CLDND1: variants seen among roughly 807,000 people sequenced by gnomAD.
The protein encoded by CLDND1 is claudin domain containing 1, also known as claudin domain-containing protein 1.
A neutral mutation model predicts 26.3 loss-of-function variants in CLDND1; 13 were observed. That is an observed-to-expected ratio of 0.49 (90% CI 0.32 to 0.78). CLDND1 has a LOEUF of 0.78. Ranked by LOEUF, CLDND1 falls within the 30% of genes least tolerant of loss-of-function variation. The pLI is 0.03. For missense variants in CLDND1, 289 were observed against 312.8 expected, an observed-to-expected ratio of 0.92 and a Z score of 0.57; for synonymous variants, 107 against 107.0, an observed-to-expected ratio of 1.00 and a Z score of 0.00.
chr3:98,518,798 C>A, intron 3 of CLDND1, 87 bp downstream of exon 3: 3 of 778,236 alleles, frequency 3.9e-6, no homozygotes, highest in South Asian at 3.0e-5. Flanking sequence ...TCTACTAACT[C>A]ATCTTATTCC....
At chr3:98,520,028 A>T (rs983242314) in intron 2 of CLDND1, among the ~76,000 whole-genome samples, 3 of 152,222 alleles carry the variant, frequency 2.0e-5, no homozygotes, top group African/African-American at 7.2e-5. Flanking sequence ...GTCATCTTTT[A>T]ACATACTGAA....
chr3:98,520,659 T>TA (rs1466377046), intron 2 of CLDND1: 1 of 153,034 alleles, frequency 6.5e-6, no homozygotes, highest in African/African-American at 2.4e-5. Flanking sequence ...TTACACAGAT[T>TA]AAATGTAGAG....
In CLDND1 at chr3:98,515,933, G is replaced by C. The variant is rs1409305852; in HGVS notation, c.*726C>G. On this transcript the variant is annotated 3_prime_UTR_variant, in exon 5 of 5. Transcript: ENST00000341181. ...ATAACCCTGGTATGTGAAGAGGAAAGAAAAAAAATCCAAAACAATTTGGTG... is the reference window on the plus strand; with the variant it reads ...ATAACCCTGGTATGTGAAGAGGAAACAAAAAAAATCCAAAACAATTTGGTG... 1 of 1,197,030 alleles carries C rather than the reference G, an allele frequency of 8.4e-7. No homozygotes were observed. Among genetic ancestry groups the C allele is most frequent in the African/African-American group, 1.6e-5 (1 of 62,480 alleles). 74.2% of individuals were successfully genotyped at this position (1,197,030 alleles called of 1,614,324 possible). A position where few individuals can be genotyped will look rare whatever the true frequency, so the allele number is the denominator to read the frequency against.
chr3:98,520,464 T>G (rs1206250363), intron 2 of CLDND1, among the ~76,000 whole-genome samples: 1 of 152,246 alleles, frequency 6.6e-6, no homozygotes, highest in Non-Finnish European at 1.5e-5. Context: ...GTAAAGTTGT[T>G]CCTTACAAAG....
At chr3:98,522,650 GC>G in intron 1 of CLDND1, 198 bp downstream of exon 1, 1 of 1,415,426 alleles carries the variant, frequency 7.1e-7, no homozygotes, top group Non-Finnish European at 9.2e-7. Context: ...CTGGGGCGGG[GC>G]AGCCGTGCTC....
rs1251230079 is a variant in CLDND1 at position 98,516,501 on chromosome 3, A to T, written c.*158T>A. Reference sequence around the variant, plus strand: ...AACCACATAAATTTTAGTGGTATTAAGTGTGTATTTAGTGGTGAATGTGTA... The same window carrying T: ...AACCACATAAATTTTAGTGGTATTATGTGTGTATTTAGTGGTGAATGTGTA... On this transcript the variant is annotated 3_prime_UTR_variant, in exon 5 of 5. Coordinates refer to ENST00000341181, the MANE Select transcript of CLDND1 (RefSeq NM_001040181.2). The T allele has an allele frequency of 7.1e-7, 1 of 1,414,678 alleles. No individual in the cohort carries two copies. The highest frequency in any genetic ancestry group is 1.4e-5 in the African/African-American group (1 of 69,320). 87.6% of individuals were successfully genotyped at this position (1,414,678 alleles called of 1,614,324 possible).
Position 98,515,909 on chromosome 3 carries a change from T to C in CLDND1, c.*750A>G, listed in dbSNP as rs2107138460. 2 of 1,269,334 alleles carry C rather than the reference T, an allele frequency of 1.6e-6. No individual in the cohort carries two copies. Among genetic ancestry groups the C allele is most frequent in the South Asian group, 2.6e-5 (2 of 77,038 alleles). The allele number at this position is 1,269,334 out of a possible 1,614,324, so 78.6% of individuals were successfully genotyped here. Reference sequence around the variant, plus strand: ...ATGTAAAAAGAAAGCACACTTTTAATAACCCTGGTATGTGAAGAGGAAAGA... The same window carrying C: ...ATGTAAAAAGAAAGCACACTTTTAACAACCCTGGTATGTGAAGAGGAAAGA... On this transcript the variant is annotated 3_prime_UTR_variant, in exon 5 of 5. Transcript: ENST00000341181.
chr3:98,516,848 A>G lies in CLDND1; in HGVS notation c.573T>C (p.Tyr191=), dbSNP rs1274102301. Residue 191 remains tyrosine (Y), a synonymous_variant, in exon 5 of 5, where the codon TAT becomes TAC. Coordinates refer to ENST00000341181, the MANE Select transcript of CLDND1 (RefSeq NM_001040181.2). ...GLCTLGSVSC[Y]VAGIELLHQK... ...GGTGGAGTAGTTCAATTCCAGCAAC[A>G]TAACAACTTACTGAGCCCAGTGTAC... 4.3e-6 allele frequency: 7 copies of G among 1,614,218 alleles called. No homozygotes were observed. Among genetic ancestry groups the G allele is most frequent in the East Asian group, 4.5e-5 (2 of 44,890 alleles).
intron 3 of CLDND1, among the ~76,000 whole-genome samples, chr3:98,517,573 C>T (rs1424411814): frequency 6.6e-6 from 1 of 152,114 alleles, no homozygotes; most frequent in East Asian, 1.9e-4. Flanking sequence ...TACAAATTTA[C>T]AAATATATAG....
chr3:98,519,305 T>TC (rs1706298731), intron 2 of CLDND1, among the ~76,000 whole-genome samples: 3 of 152,158 alleles, frequency 2.0e-5, no homozygotes, highest in South Asian at 4.1e-4. Flanking sequence ...ATGTTGATCT[T>TC]CTCATGCAAC....
Position 98,516,764 on chromosome 3 carries a change from A to T in CLDND1, c.657T>A (p.Ala219=). 3 of 1,614,180 alleles carry T rather than the reference A, an allele frequency of 1.9e-6. No homozygotes were observed. The South Asian group carries it at 3.3e-5, about 18-fold the overall frequency. ...TGAACTGTAAGGGAGCAGAGACACA[A>T]GCCAGGCAGAAGGACCATCCAAATT... The part of the protein sequence containing the change: ...SGEFGWSFCL[A]CVSAPLQFMA... Residue 219 remains alanine (A), a synonymous_variant, in exon 5 of 5, where the codon GCT becomes GCA. Coordinates refer to ENST00000341181, the MANE Select transcript of CLDND1 (RefSeq NM_001040181.2).
At position 98,516,244 on chromosome 3, in the gene CLDND1, A is replaced by G; in HGVS notation, c.*415T>C. ...ACTGGCTATCTACAACAGCAAAGTG[A>G]ACATAAAGTTTTGACGATGAGAGGT... On this transcript the variant is annotated 3_prime_UTR_variant, in exon 5 of 5. Coordinates refer to ENST00000341181, the MANE Select transcript of CLDND1 (RefSeq NM_001040181.2). 3 of 1,030,286 alleles carry G rather than the reference A, an allele frequency of 2.9e-6. No individual in the cohort carries two copies. Among genetic ancestry groups the G allele is most frequent in the Non-Finnish European group, 3.5e-6 (3 of 857,352 alleles). The allele number at this position is 1,030,286 out of a possible 1,614,324, so 63.8% of individuals were successfully genotyped here. A position where few individuals can be genotyped will look rare whatever the true frequency, so the allele number is the denominator to read the frequency against.
At chr3:98,522,498 G>T in intron 1 of CLDND1, 1 of 1,180,822 alleles carries the variant, frequency 8.5e-7, no homozygotes, top group Non-Finnish European at 1.1e-6. Flanking sequence ...TTTGTATTTT[G>T]ATTTTTTAAA....
In CLDND1 at chr3:98,522,856, C is replaced by T. The variant is rs1262439648; in HGVS notation, c.-26G>A. The T allele has an allele frequency of 1.9e-6, 3 of 1,613,796 alleles. No homozygotes were observed. In the African/African-American group the frequency reaches 4.0e-5, roughly 22 times the overall value. On this transcript the variant is annotated 5_prime_UTR_variant, in exon 1 of 5. Coordinates refer to ENST00000341181, the MANE Select transcript of CLDND1 (RefSeq NM_001040181.2). Reference sequence around the variant, plus strand: ...CAGGTCCCGCTCACTCACCGCCCATCCTCCTGCTCCGCCAGCTTCACCCTC... The same window carrying T: ...CAGGTCCCGCTCACTCACCGCCCATTCTCCTGCTCCGCCAGCTTCACCCTC...
chr3:98,522,095 C>T (rs758726990), intron 1 of CLDND1: 65 of 178,172 alleles, frequency 3.6e-4, no homozygotes, highest in Non-Finnish European at 5.6e-4. Flanking sequence ...AGCTTCTTTA[C>T]GCTGCCAAAT....
rs1293453430 is a variant in CLDND1 at position 98,517,164 on chromosome 3, T to A, written c.429A>T (p.Leu143Phe). 1 of 1,613,576 alleles carries A rather than the reference T, an allele frequency of 6.2e-7. No homozygotes were observed. Among genetic ancestry groups the A allele is most frequent in the Non-Finnish European group, 8.5e-7 (1 of 1,179,884 alleles). ...ACATCAAACCTAAACTCACAAAAGG[T>A]AAAAGGAACTGGCAACGCCAAAGAT... ...RTYLWRCQFL[L>F]PFVSLGLMCF... The change falls in exon 4 of 5, where the codon TTA becomes TTT. Residue 143 changes from leucine (L) to phenylalanine (F), a missense_variant. Coordinates refer to ENST00000341181, the MANE Select transcript of CLDND1 (RefSeq NM_001040181.2).
At position 98,516,695 on chromosome 3, in the gene CLDND1, T is replaced by C. The variant is rs1576266010; in HGVS notation, c.726A>G (p.Lys242=). 1 of 1,614,220 alleles carries C rather than the reference T, an allele frequency of 6.2e-7. No homozygotes were observed. The highest frequency in any genetic ancestry group is 1.3e-5 in the African/African-American group (1 of 75,070). ...LFIWAAHTNR[K]EYTLMKAYRV... ...GATATGCCTTCATTAAGGTGTACTC[T>C]TTCCGGTTGGTGTGAGCAGCCCAGA... Residue 242 remains lysine, a synonymous_variant, in exon 5 of 5, where the codon AAA becomes AAG. Coordinates refer to ENST00000341181, the MANE Select transcript of CLDND1 (RefSeq NM_001040181.2).
chr3:98,517,344 A>T, intron 3 of CLDND1, 155 bp from the exon 4 acceptor site: 1 of 814,086 alleles, frequency 1.2e-6, no homozygotes, highest in Non-Finnish European at 1.9e-6. Flanking sequence ...ATTATTCAAA[A>T]GGATGCTACT....
Position 98,522,884 on chromosome 3 carries a change from G to C in CLDND1, c.-54C>G, listed in dbSNP as rs1706491124. Reference sequence around the variant, plus strand: ...CCTGCTCCGCCAGCTTCACCCTCTAGCTCAGACCACAGCACCCTACTCTCC... The same window carrying C: ...CCTGCTCCGCCAGCTTCACCCTCTACCTCAGACCACAGCACCCTACTCTCC... On this transcript the variant is annotated 5_prime_UTR_variant, in exon 1 of 5. Coordinates refer to ENST00000341181, the MANE Select transcript of CLDND1 (RefSeq NM_001040181.2). The C allele has an allele frequency of 1.9e-6, 3 of 1,613,554 alleles. No individual in the cohort carries two copies. Among genetic ancestry groups the C allele is most frequent in the East Asian group, 4.5e-5 (2 of 44,828 alleles).
Sources: gnomAD v4.1 joint callset for allele counts (sites outside exome capture counted in the v4.1 genomes callset) on GRCh38, gnomAD v4.1.1 for gene constraint, MANE v1.5 for transcripts, NCBI Gene and HGNC (gene_info 2026-07-23, HGNC 2026-07-21) for gene names.